AATF: variants seen among roughly 807,000 people sequenced by gnomAD.
AATF encodes apoptosis antagonizing transcription factor, also known as protein AATF.
AATF carries 48 observed loss-of-function variants against 63.7 expected under a neutral mutation model. The observed-to-expected ratio is 0.75, with a 90% CI of 0.60 to 0.96. The LOEUF is 0.96. Ranked by LOEUF, AATF falls within the 40% of genes least tolerant of loss-of-function variation. The probability of loss-of-function intolerance (pLI) is 0.00; values close to 1 mark genes in which losing one functional copy is unlikely to be tolerated. For synonymous variants in AATF, 258 were observed against 247.7 expected (o/e 1.04, Z -0.39); for missense variants, 639 against 685.7 (o/e 0.93, Z 0.76).
chr17:36,989,532 T>C, intron 7 of AATF, 121 bp downstream of exon 7: 1 of 1,032,634 alleles, frequency 9.7e-7, no homozygotes, highest in Non-Finnish European at 1.3e-6. Context: ...AAAGCAACAC[T>C]ACTTTACTGG....
chr17:37,025,089 G>A (rs1421205610), intron 10 of AATF, among the ~76,000 whole-genome samples: 7 of 152,160 alleles, frequency 4.6e-5, no homozygotes, highest in Non-Finnish European at 7.4e-5. Flanking sequence ...CTTAAGAGTG[G>A]CCACACATGA....
intron 11 of AATF, among the ~76,000 whole-genome samples, chr17:37,043,615 C>T (rs546377077): frequency 7.2e-5 from 11 of 152,214 alleles, no homozygotes; most frequent in South Asian, 4.2e-4. Context: ...TTGGTATTAT[C>T]GAGATTTTAT....
intron 10 of AATF, among the ~76,000 whole-genome samples, chr17:37,025,123 T>C (rs1371014542): frequency 6.6e-6 from 1 of 152,138 alleles, no homozygotes; most frequent in Non-Finnish European, 1.5e-5. Flanking sequence ...AGTGAGAAGG[T>C]TGGAATGACT....
chr17:36,983,931 G>A (rs1223516055), intron 4 of AATF, among the ~76,000 whole-genome samples: 2 of 152,154 alleles, frequency 1.3e-5, no homozygotes, highest in African/African-American at 2.4e-5. Context: ...GGCTCTCTCA[G>A]GTAGGTTGGC....
At chr17:37,016,806 G>T (rs563895790) in intron 8 of AATF, among the ~76,000 whole-genome samples, 1 of 152,012 alleles carries the variant, frequency 6.6e-6, no homozygotes, top group East Asian at 1.9e-4. Flanking sequence ...AATAGCCACG[G>T]GAATCATTTG....
chr17:37,009,823 CAAAAAAAAAAAAAAAAA>C (rs1160362372), intron 8 of AATF, among the ~76,000 whole-genome samples: 1 of 28,778 alleles, frequency 3.5e-5, no homozygotes, highest in African/African-American at 1.0e-4. Context: ...GACTCCGTCT[CAAAAAAAAAAAAAAAAA>C]AAAAAAAAAA....
chr17:36,948,972 C>A lies in AATF; in HGVS notation c.-154C>A, dbSNP rs1356734422. The A allele has an allele frequency of 7.9e-6, 5 of 630,024 alleles. No individual in the cohort carries two copies. The highest frequency in any genetic ancestry group is 4.4e-5 in the South Asian group (2 of 45,228). The allele number at this position is 630,024 out of a possible 1,614,324, so 39.0% of individuals were successfully genotyped here. On this transcript the variant is annotated 5_prime_UTR_variant, in exon 1 of 12. Transcript: ENST00000619387. The stretch of plus-strand genomic sequence containing the variant: ...CTCCCGCGCGCCTCCCGGAAGTGGC[C>A]GGTCCAGAGCTGTGGGGTGGCCTCC...
rs996640377 is a variant in AATF at position 36,996,476 on chromosome 17, C to G, written c.1398+5619C>G. The stretch of plus-strand genomic sequence containing the variant: ...ATTGAAATTATGATTGAAGATATAG[C>G]ATGGAATTAGGTTTCTTGGGGCATA... On this transcript the variant is annotated intron_variant, in intron 8 of 11. Coordinates refer to ENST00000619387, the MANE Select transcript of AATF (RefSeq NM_012138.4). Among the ~76,000 whole-genome samples the G allele has an allele frequency of 1.4e-4, 22 of 152,000 alleles. 1 individual carries two copies. The highest frequency in any genetic ancestry group is 5.9e-5 in the Non-Finnish European group (4 of 67,988).
At chr17:37,049,321 AGCCGGGCGCGGTGGCTCAC>A (rs1185503612) in intron 11 of AATF, among the ~76,000 whole-genome samples, 1 of 151,926 alleles carries the variant, frequency 6.6e-6, no homozygotes, top group African/African-American at 2.4e-5. Flanking sequence ...CTGCTGTCCA[AGCCGGGCGCGGTGGCTCAC>A]GCCTGTAATC....
At chr17:37,030,837 T>C (rs1390528732) in intron 10 of AATF, among the ~76,000 whole-genome samples, 1 of 152,210 alleles carries the variant, frequency 6.6e-6, no homozygotes, top group Admixed American at 6.5e-5. Context: ...TACCACTACC[T>C]GTGCTGCTGC....
At position 37,019,027 on chromosome 17, in the gene AATF, G is replaced by T. The variant is rs1045687198; in HGVS notation, c.1421G>T (p.Arg474Leu). 6.2e-7 allele frequency: 1 copy of T among 1,613,952 alleles called. No homozygotes were observed. The highest frequency in any genetic ancestry group is 2.2e-5 in the East Asian group (1 of 44,890). Reference sequence around the variant, plus strand: ...TAGCTCCTTCGAGAACTCATAGAACGGAAGACCAGCTCCTTGGATCCCAAC... The same window carrying T: ...TAGCTCCTTCGAGAACTCATAGAACTGAAGACCAGCTCCTTGGATCCCAAC... Reference protein sequence around the residue: ...YHQLLRELIERKTSSLDPNDQ... With the variant: ...YHQLLRELIELKTSSLDPNDQ... The change falls in exon 9 of 12, where the codon CGG becomes CTG. Residue 474 changes from arginine (R) to leucine (L), a missense_variant. Physicochemically the swap from Arg to Leu is moderately radical, Grantham distance 102. Transcript: ENST00000619387.
intron 11 of AATF, among the ~76,000 whole-genome samples, chr17:37,037,010 GT>G (rs374106722): frequency 6.4e-4 from 86 of 133,456 alleles, no homozygotes; most frequent in Admixed American, 6.8e-4. Context: ...TCATCTTTTT[GT>G]TTTTTTTTTT....
intron 4 of AATF, among the ~76,000 whole-genome samples, chr17:36,982,642 G>C (rs890049314): frequency 6.6e-6 from 1 of 151,986 alleles, no homozygotes; most frequent in Admixed American, 6.6e-5. Flanking sequence ...GTGAGCCACC[G>C]CGCCCAGCCC....
intron 8 of AATF, among the ~76,000 whole-genome samples, chr17:36,994,826 A>G (rs1300939806): frequency 6.6e-6 from 1 of 152,222 alleles, no homozygotes; most frequent in Non-Finnish European, 1.5e-5. Flanking sequence ...TTTTTAAAGA[A>G]TCAGGGAAGG....
Position 36,981,011 on chromosome 17 carries a change from C to G in AATF, c.833-5606C>G, listed in dbSNP as rs529946397. 3.3e-5 allele frequency among the ~76,000 whole-genome samples: 5 copies of G among 150,770 alleles called. No homozygotes were observed. The South Asian group carries it at 1.0e-3, about 32-fold the overall frequency. ...GCTATCCCTGAATGGAGCCTAAATA[C>G]TCCAGGGCCACTTTCTGACTGGGTG... On this transcript the variant is annotated intron_variant, in intron 4 of 11. Transcript: ENST00000619387.
At chr17:36,979,481 G>A (rs1331985378) in intron 4 of AATF, among the ~76,000 whole-genome samples, 15 of 152,184 alleles carry the variant, frequency 9.9e-5, no homozygotes, top group African/African-American at 2.6e-4. Context: ...CCAATATATC[G>A]TGTGTCATTT....
chr17:36,996,833 T>A (rs182146702), intron 8 of AATF, among the ~76,000 whole-genome samples: 1 of 152,314 alleles, frequency 6.6e-6, no homozygotes, highest in Non-Finnish European at 1.5e-5. Flanking sequence ...TGCACATGAC[T>A]GGCCCTCATT....
At chr17:36,953,452 T>C (rs1045334191) in intron 3 of AATF, among the ~76,000 whole-genome samples, 156 bp downstream of exon 3, 4 of 152,230 alleles carry the variant, frequency 2.6e-5, no homozygotes, top group African/African-American at 9.6e-5. Flanking sequence ...CCTATTCCTG[T>C]ATGCTTAGCC....
intron 8 of AATF, among the ~76,000 whole-genome samples, chr17:37,016,980 C>T (rs142073878): frequency 2.6e-5 from 4 of 152,276 alleles, no homozygotes; most frequent in Admixed American, 6.5e-5. Context: ...CACTTGTGTG[C>T]GAAAATGCAG....
Sources: gnomAD v4.1 joint callset for allele counts (sites outside exome capture counted in the v4.1 genomes callset) on GRCh38, gnomAD v4.1.1 for gene constraint, MANE v1.5 for transcripts, NCBI Gene and HGNC (gene_info 2026-07-23, HGNC 2026-07-21) for gene names.